Variants in DHTKD1 observed in about 807,000 individuals in gnomAD.
DHTKD1 encodes the protein dehydrogenase E1 and transketolase domain containing 1, also known as 2-oxoadipate dehydrogenase complex component E1.
DHTKD1 carries 78 observed loss-of-function variants against 101.8 expected under a neutral mutation model. The observed-to-expected ratio is 0.77, with a 90% CI of 0.64 to 0.93. The LOEUF (loss-of-function observed/expected upper bound fraction) is 0.93, where lower values mean the gene tolerates loss of function less well. Ranked by LOEUF, DHTKD1 falls within the 40% of genes least tolerant of loss-of-function variation. The probability of loss-of-function intolerance (pLI) is 0.00; values close to 1 mark genes in which losing one functional copy is unlikely to be tolerated. For synonymous variants in DHTKD1, 462 were observed against 450.3 expected, an observed-to-expected ratio of 1.03 and a Z score of -0.33; for missense variants, 1,223 against 1,161.7, an observed-to-expected ratio of 1.05 and a Z score of -0.77.
At position 12,094,206 on chromosome 10, in the gene DHTKD1, G is replaced by T; in HGVS notation, c.1293G>T (p.Arg431Ser). 1 of 1,614,178 alleles carries T rather than the reference G, an allele frequency of 6.2e-7. No homozygotes were observed. Among genetic ancestry groups the T allele is most frequent in the Non-Finnish European group, 8.5e-7 (1 of 1,180,040 alleles). Residue 431 changes from arginine to serine, a missense_variant, in exon 7 of 17, where the codon AGG becomes AGT. Physicochemically the swap from Arg to Ser is moderately radical, Grantham distance 110 (BLOSUM62 -1). Coordinates refer to ENST00000263035, the MANE Select transcript of DHTKD1 (RefSeq NM_018706.7). ...KDVIIDLLCY[R>S]QWGHNELDEP... ...TGATTATTGATCTGTTGTGCTACAG[G>T]CAGTGGGGCCACAATGAGCTGGATG...
In DHTKD1 at chr10:12,084,715, G is replaced by A. The variant is rs1178423885; in HGVS notation, c.486G>A (p.Glu162=). ...AAAAGGAGACGTTTACCACAGAAGA[G>A]CGAAAACATCTGTCGAAACTAATGC... ...ELQKETFTTE[E]RKHLSKLMLE... The change falls in exon 3 of 17, where the codon GAG becomes GAA. Residue 162 remains glutamate (E), a synonymous_variant. Transcript: ENST00000263035. 2 of 1,614,122 alleles carry A rather than the reference G, an allele frequency of 1.2e-6. No individual in the cohort carries two copies. The highest frequency in any genetic ancestry group is 1.7e-6 in the Non-Finnish European group (2 of 1,180,022).
rs1335731178 is a variant in DHTKD1, at chr10:12,097,711, T to G, written c.1386T>G (p.Tyr462Ter). ...IRARKSIPDT[Y>*]AEHLIAGGLM... ...CTCGAAAGAGCATTCCAGACACATA[T>G]GCAGAGCACCTCATTGCTGGCGGAC... Residue 462 changes from tyrosine to a stop codon, truncating the protein, a stop_gained, in exon 8 of 17, where the codon TAT becomes TAG. Transcript: ENST00000263035. LOFTEE classifies it high-confidence loss of function. 1 of 1,613,744 alleles carries G rather than the reference T, an allele frequency of 6.2e-7. No individual in the cohort carries two copies. The highest frequency in any genetic ancestry group is 1.1e-5 in the South Asian group (1 of 91,050).
chr10:12,088,242 G>C (rs1036704926), intron 4 of DHTKD1, among the ~76,000 whole-genome samples: 2 of 152,168 alleles, frequency 1.3e-5, no homozygotes, highest in African/African-American at 4.8e-5. Context: ...AGGAGTGCTT[G>C]AGCCCAGGAG....
At chr10:12,072,468 T>G (rs1399027708) in intron 1 of DHTKD1, among the ~76,000 whole-genome samples, 3 of 19,798 alleles carry the variant, frequency 1.5e-4, no homozygotes, top group Non-Finnish European at 4.0e-4. Context: ...TCTCAATAAA[T>G]AAATAAATAA....
rs758120617 is a variant in DHTKD1 at position 12,110,917 on chromosome 10, G to A, written c.2155-1983G>A. Reference sequence around the variant, plus strand: ...AAATTAGCTGGGTGGGTGGTGGTGCGTGCCCATAATCCTCACTACTTGGGA... The same window carrying A: ...AAATTAGCTGGGTGGGTGGTGGTGCATGCCCATAATCCTCACTACTTGGGA... On this transcript the variant is annotated intron_variant, in intron 12 of 16. Coordinates refer to ENST00000263035, the MANE Select transcript of DHTKD1 (RefSeq NM_018706.7). This position sits in a 1 kb window ranked among gnomAD's most constrained non-coding sequence, Gnocchi z 4.9. Among the ~76,000 whole-genome samples, 11 of 151,838 alleles carry A rather than the reference G, an allele frequency of 7.2e-5. No homozygotes were observed. The highest frequency in any genetic ancestry group is 1.0e-4 in the Non-Finnish European group (7 of 67,924).
chr10:12,118,739 T>C lies in DHTKD1; in HGVS notation c.2403-10T>C. On this transcript the variant is annotated splice_polypyrimidine_tract_variant and intron_variant, in intron 14 of 16. Transcript: ENST00000263035. The stretch of plus-strand genomic sequence containing the variant: ...CTCCCCCACCCTATTGTTCCTTTTC[T>C]GTCCAACAGGGTTAAGACCCTCGTG... 6.7e-7 allele frequency: 1 copy of C among 1,495,982 alleles called. No homozygotes were observed. The highest frequency in any genetic ancestry group is 2.5e-5 in the East Asian group (1 of 40,238). 92.7% of individuals were successfully genotyped at this position (1,495,982 alleles called of 1,614,324 possible).
chr10:12,091,589 G>C lies in DHTKD1; in HGVS notation c.1064G>C (p.Arg355Thr). The part of the protein sequence containing the change: ...TFTLSNLPHF[R>T]IGGSVHLIVN... ...ACGCTGTCCAATCTCCCACATTTCA[G>C]AATTGGTGGGAGTGTGCATTTGATT... The change falls in exon 6 of 17, where the codon AGA becomes ACA. Residue 355 changes from arginine (R) to threonine (T), a missense_variant. Physicochemically the swap from Arg to Thr is moderately conservative, Grantham distance 71. Coordinates refer to ENST00000263035, the MANE Select transcript of DHTKD1 (RefSeq NM_018706.7). 1 of 1,613,406 alleles carries C rather than the reference G, an allele frequency of 6.2e-7. No homozygotes were observed. Among genetic ancestry groups the C allele is most frequent in the South Asian group, 1.1e-5 (1 of 91,042 alleles).
chr10:12,085,739 T>A (rs894816384), intron 3 of DHTKD1, among the ~76,000 whole-genome samples: 1 of 151,884 alleles, frequency 6.6e-6, no homozygotes, highest in African/African-American at 2.4e-5. Context: ...TACAAAAAAT[T>A]AGCCTGATGT....
At position 12,103,407 on chromosome 10, in the gene DHTKD1, A is replaced by G. The variant is rs997753416; in HGVS notation, c.1896+2226A>G. Among the ~76,000 whole-genome samples the G allele has an allele frequency of 2.6e-5, 4 of 152,142 alleles. No individual in the cohort carries two copies. The highest frequency in any genetic ancestry group is 5.9e-5 in the Non-Finnish European group (4 of 67,986). ...CCCTTATCAATAATGGCTTCTAGGA[A>G]GGGACAGAGGTCAGGCAGCCTTCAT... On this transcript the variant is annotated intron_variant, in intron 10 of 16. Coordinates refer to ENST00000263035, the MANE Select transcript of DHTKD1 (RefSeq NM_018706.7). The surrounding 1 kb of genome is among the most constrained non-coding windows in gnomAD (Gnocchi z 4.8).
At chr10:12,080,334 G>C (rs1345334672) in intron 1 of DHTKD1, among the ~76,000 whole-genome samples, 1 of 150,320 alleles carries the variant, frequency 6.7e-6, no homozygotes, top group Admixed American at 6.7e-5. Flanking sequence ...TGCTTTGGCA[G>C]TGCATAGAAT....
intron 13 of DHTKD1, among the ~76,000 whole-genome samples, chr10:12,115,922 C>G (rs1833409330): frequency 6.6e-6 from 1 of 151,552 alleles, no homozygotes; most frequent in African/African-American, 2.4e-5. Context: ...GCCACCACAC[C>G]CAGCAATTTT....
At position 12,101,069 on chromosome 10, in the gene DHTKD1, A is replaced by G; in HGVS notation, c.1784A>G (p.Asp595Gly). 6.2e-7 allele frequency: 1 copy of G among 1,613,946 alleles called. No individual in the cohort carries two copies. The highest frequency in any genetic ancestry group is 8.5e-7 in the Non-Finnish European group (1 of 1,180,000). The change falls in exon 10 of 17, where the codon GAT becomes GGT. Residue 595 changes from aspartate to glycine, a missense_variant. Asp to Gly is a moderately conservative substitution (Grantham distance 94). Transcript: ENST00000263035. ...TTTAATGTTCGTCTAAGTGGCCAAG[A>G]TGTTGGTCGTGGAACTTTCAGTCAG... ...QGFNVRLSGQDVGRGTFSQRH... is the reference protein window; with the variant it reads ...QGFNVRLSGQGVGRGTFSQRH...
intron 2 of DHTKD1, among the ~76,000 whole-genome samples, chr10:12,084,047 C>T (rs528352855): frequency 3.3e-5 from 5 of 151,972 alleles, no homozygotes; most frequent in East Asian, 1.9e-4. Flanking sequence ...CTCAGCCTCT[C>T]GAGTAGCTGG....
chr10:12,086,082 A>G (rs1832891938), intron 3 of DHTKD1, among the ~76,000 whole-genome samples: 1 of 151,238 alleles, frequency 6.6e-6, no homozygotes, highest in Non-Finnish European at 1.5e-5. Context: ...GTTGGCCAAG[A>G]TGGTCTCGAT....
chr10:12,102,981 G>A (rs1588614376), intron 10 of DHTKD1, among the ~76,000 whole-genome samples: 1 of 152,118 alleles, frequency 6.6e-6, no homozygotes, highest in Non-Finnish European at 1.5e-5. Context: ...CCAGCACTTT[G>A]GGAGGCCAAG....
chr10:12,085,266 C>T (rs747498135), intron 3 of DHTKD1, among the ~76,000 whole-genome samples: 7 of 151,872 alleles, frequency 4.6e-5, no homozygotes, highest in South Asian at 2.1e-4. Context: ...GCTGAGATCG[C>T]GCCACTGCAC....
At chr10:12,095,810 C>A (rs554316687) in intron 7 of DHTKD1, among the ~76,000 whole-genome samples, 77 of 7,500 alleles carry the variant, frequency 0.01, no homozygotes, top group Non-Finnish European at 0.033. Flanking sequence ...GAGACTCCGT[C>A]TCAAAAAAAA....
intron 10 of DHTKD1, among the ~76,000 whole-genome samples, chr10:12,102,996 G>A (rs1012744893): frequency 1.3e-5 from 2 of 152,198 alleles, no homozygotes; most frequent in Non-Finnish European, 2.9e-5. Flanking sequence ...GCCAAGGCAG[G>A]CAGATCACTT....
intron 1 of DHTKD1, among the ~76,000 whole-genome samples, chr10:12,077,711 G>A (rs1832755401): frequency 6.6e-6 from 1 of 152,192 alleles, no homozygotes; most frequent in Admixed American, 6.6e-5. Flanking sequence ...GCCTACGTTT[G>A]TCTTCAAGAT....
Sources: gnomAD v4.1 joint callset for allele counts (sites outside exome capture counted in the v4.1 genomes callset) on GRCh38, gnomAD v4.1.1 for gene constraint, Gnocchi (gnomAD v3.1) non-coding constraint, MANE v1.5 for transcripts, NCBI Gene and HGNC (gene_info 2026-07-23, HGNC 2026-07-21) for gene names.